The following WNK2 variants were observed in gnomAD, a reference collection of about 807,000 sequenced individuals.
WNK2 encodes the protein serine/threonine-protein kinase WNK2.
A neutral mutation model predicts 192.1 loss-of-function variants in WNK2; 67 were observed. The observed-to-expected ratio is 0.35, with a 90% confidence interval of 0.29 to 0.43. The LOEUF is 0.43. Ranked by LOEUF, WNK2 falls within the 20% of genes least tolerant of loss-of-function variation. The pLI is 1.00. For synonymous variants in WNK2, 1,439 were observed against 1,393.9 expected (o/e 1.03, Z -0.72); for missense variants, 2,698 against 3,089.7 (o/e 0.87, Z 3.01).
At position 93,317,023 on chromosome 9, in the gene WNK2, A is replaced by AC. The variant is rs1284597641; in HGVS notation, c.6517-493dup. The AC allele has an allele frequency of 1.0e-4, 18 of 179,780 alleles. No homozygotes were observed. The East Asian group carries it at 3.1e-3, about 31-fold the overall frequency. 11.1% of individuals were successfully genotyped at this position (179,780 alleles called of 1,614,324 possible). ...CAGCAGCCTTGCCTTCCTGGGGCAC[A>AC]CCCCGCATACAGCTTCTCCCCGGGC... On this transcript the variant is annotated intron_variant, in intron 28 of 29. Coordinates refer to ENST00000427277, the MANE Select transcript of WNK2 (RefSeq NM_006648.4).
intron 28 of WNK2, chr9:93,309,152 GTTA>G (rs1853178326): frequency 3.1e-6 from 3 of 982,260 alleles, no homozygotes; most frequent in Non-Finnish European, 3.6e-6. Context: ...GAAGACTGGT[GTTA>G]TTTCTATCTC....
In WNK2 at chr9:93,185,577, G is replaced by T; in HGVS notation, c.648G>T (p.Glu216Asp). The change falls in exon 2 of 30, where the codon GAG becomes GAT. Residue 216 changes from glutamate (E) to aspartate (D), a missense_variant. By Grantham distance (45) the Glu-to-Asp change is conservative. Coordinates refer to ENST00000427277, the MANE Select transcript of WNK2 (RefSeq NM_006648.4). ...CGGTCTACAAGGGGCTGGACACGGA[G>T]ACCTGGGTGGAGGTGGCCTGGTGTG... ...FKTVYKGLDT[E>D]TWVEVAWCEL... is the part of the protein sequence containing the mutation. The T allele has an allele frequency of 6.2e-7, 1 of 1,612,370 alleles. No individual in the cohort carries two copies. Among genetic ancestry groups the T allele is most frequent in the Non-Finnish European group, 8.5e-7 (1 of 1,179,346 alleles).
chr9:93,251,723 T>A (rs1219693889), intron 8 of WNK2, among the ~76,000 whole-genome samples: 1 of 152,068 alleles, frequency 6.6e-6, no homozygotes. Context: ...AATAAATAAA[T>A]AAAATGCTAC....
Position 93,267,863 on chromosome 9 carries a change from G to T in WNK2, c.3814G>T (p.Asp1272Tyr). 6.2e-7 allele frequency: 1 copy of T among 1,610,190 alleles called. No homozygotes were observed. The highest frequency in any genetic ancestry group is 1.1e-5 in the South Asian group (1 of 90,458). Residue 1272 changes from aspartate (D) to tyrosine (Y), a missense_variant, in exon 17 of 30, where the codon GAC becomes TAC. Transcript: ENST00000427277. ...SEDTDADRGS[D>Y]PGTSPPHLST... Reference sequence around the variant, plus strand: ...GGACACAGACGCCGACCGTGGCTCCGACCCAGGGACCAGCCCGCCACACCT... The same window carrying T: ...GGACACAGACGCCGACCGTGGCTCCTACCCAGGGACCAGCCCGCCACACCT...
intron 29 of WNK2, among the ~76,000 whole-genome samples, chr9:93,320,062 C>T (rs1855287070): frequency 6.6e-6 from 1 of 152,212 alleles, no homozygotes; most frequent in African/African-American, 2.4e-5. Flanking sequence ...CCCAGAGCCT[C>T]CTGTTTTGGG....
Position 93,298,838 on chromosome 9 carries a change from T to C in WNK2, c.5924-232T>C, listed in dbSNP as rs545531096. ...TGCCTGGGTGTGTCTTCTGTCACTATATTTGCTCAACACAAGTCCAGCACG... is the reference window on the plus strand; with the variant it reads ...TGCCTGGGTGTGTCTTCTGTCACTACATTTGCTCAACACAAGTCCAGCACG... On this transcript the variant is annotated intron_variant, in intron 24 of 29. Coordinates refer to ENST00000427277, the MANE Select transcript of WNK2 (RefSeq NM_006648.4). Among the ~76,000 whole-genome samples the C allele has an allele frequency of 2.6e-5, 4 of 152,330 alleles. No homozygotes were observed. In the South Asian group the frequency reaches 8.3e-4, roughly 32 times the overall value.
intron 2 of WNK2, among the ~76,000 whole-genome samples, chr9:93,200,875 G>T (rs186969585): frequency 6.7e-4 from 102 of 152,176 alleles, no homozygotes; most frequent in African/African-American, 2.4e-3. Flanking sequence ...TTGGGGAAAA[G>T]GGCAAAAACC....
chr9:93,229,564 A>G lies in WNK2; in HGVS notation c.682-132A>G, dbSNP rs553496744. The stretch of plus-strand genomic sequence containing the variant: ...GGTGCCAGTGTCTGCATGCCCTTCT[A>G]TCATAGCCGCTTAGCTGCCTGTGGG... On this transcript the variant is annotated intron_variant, in intron 2 of 29. Transcript: ENST00000427277. The surrounding 1 kb of genome is among the most constrained non-coding windows in gnomAD (Gnocchi z 4.9). 1.1e-4 allele frequency: 113 copies of G among 1,031,426 alleles called. 1 individual carries two copies. The highest frequency in any genetic ancestry group is 1.5e-4 in the Non-Finnish European group (106 of 717,882). 63.9% of individuals were successfully genotyped at this position (1,031,426 alleles called of 1,614,324 possible).
chr9:93,268,599 A>G (rs752215586), intron 18 of WNK2, 28 bp from the exon 19 acceptor site: 8 of 1,596,656 alleles, frequency 5.0e-6, no homozygotes, highest in Non-Finnish European at 6.0e-6. Flanking sequence ...TCACTCACTC[A>G]GCGTGCTGTT....
chr9:93,286,303 C>T (rs1373996920), intron 19 of WNK2, among the ~76,000 whole-genome samples: 2 of 152,038 alleles, frequency 1.3e-5, no homozygotes, highest in Non-Finnish European at 1.5e-5. Context: ...CATGAAGAAC[C>T]ACAAATTAAA....
intron 2 of WNK2, among the ~76,000 whole-genome samples, chr9:93,189,869 C>T (rs1830014468): frequency 6.6e-6 from 1 of 152,234 alleles, no homozygotes; most frequent in African/African-American, 2.4e-5. Context: ...CCAGCCTCAC[C>T]TGCTTTTAGC....
intron 9 of WNK2, among the ~76,000 whole-genome samples, chr9:93,254,995 C>A (rs1015364041): frequency 1.3e-5 from 2 of 152,234 alleles, no homozygotes; most frequent in East Asian, 3.9e-4. Flanking sequence ...CCCACTGGGC[C>A]AAGTCCCTCT....
chr9:93,315,487 T>C (rs1358450942), intron 28 of WNK2: 2 of 152,202 alleles, frequency 1.3e-5, no homozygotes, highest in African/African-American at 4.8e-5. Context: ...TAAACTGCTA[T>C]TTTCTTTGGG....
intron 2 of WNK2, among the ~76,000 whole-genome samples, chr9:93,214,843 G>A (rs1315451454): frequency 6.6e-6 from 1 of 151,310 alleles, no homozygotes; most frequent in African/African-American, 2.4e-5. Context: ...TGAATCTATG[G>A]GTGTCTTGCT....
rs1007777522 is a variant in WNK2 at position 93,319,440 on chromosome 9, G to A, written c.6629-927G>A. Reference sequence around the variant, plus strand: ...CCCAACACTGCCCCCGCCAGCTGTGGCCTGGGCCCCGAGCACGGTCAGCTC... The same window carrying A: ...CCCAACACTGCCCCCGCCAGCTGTGACCTGGGCCCCGAGCACGGTCAGCTC... On this transcript the variant is annotated intron_variant, in intron 29 of 29. Coordinates refer to ENST00000427277, the MANE Select transcript of WNK2 (RefSeq NM_006648.4). 13 of 982,958 alleles carry A rather than the reference G, an allele frequency of 1.3e-5. No homozygotes were observed. The African/African-American group carries it at 2.3e-4, about 17-fold the overall frequency. 60.9% of individuals were successfully genotyped at this position (982,958 alleles called of 1,614,324 possible).
At chr9:93,301,408 T>G (rs16936752) in intron 26 of WNK2, among the ~76,000 whole-genome samples, 12,593 of 152,202 alleles carry the variant, frequency 0.083, 769 homozygotes, top group African/African-American at 0.16. Flanking sequence ...GGGCAGGCAA[T>G]TCGAGGACAC....
intron 26 of WNK2, 134 bp from the exon 27 acceptor site, chr9:93,306,643 C>G: frequency 8.5e-7 from 1 of 1,172,546 alleles, no homozygotes; most frequent in Non-Finnish European, 1.3e-6. Flanking sequence ...GCCGGGTCGG[C>G]CCTCTCTCTG....
At chr9:93,216,036 CTG>C (rs1218999617) in intron 2 of WNK2, among the ~76,000 whole-genome samples, 1 of 152,162 alleles carries the variant, frequency 6.6e-6, no homozygotes, top group Non-Finnish European at 1.5e-5. Flanking sequence ...TGATTCAAAG[CTG>C]TGTTTCAGCC....
chr9:93,317,999 T>G (rs779968993), intron 29 of WNK2: 1 of 1,612,816 alleles, frequency 6.2e-7, no homozygotes, highest in South Asian at 1.1e-5. Flanking sequence ...ACTGCTTCCT[T>G]TGCGGCTTCA....
Sources: gnomAD v4.1 joint callset for allele counts (sites outside exome capture counted in the v4.1 genomes callset) on GRCh38, gnomAD v4.1.1 for gene constraint, Gnocchi (gnomAD v3.1) non-coding constraint, MANE v1.5 for transcripts, NCBI Gene and HGNC (gene_info 2026-07-23, HGNC 2026-07-21) for gene names.